The following ATP10A variants were observed in gnomAD, a reference collection of about 807,000 sequenced individuals.
ATP10A encodes the protein phospholipid-transporting ATPase VA.
Under a neutral mutation model 147.8 loss-of-function variants are expected in ATP10A, and 111 were observed. The observed-to-expected ratio is 0.75, with a 90% confidence interval of 0.64 to 0.88. ATP10A has a LOEUF of 0.88. Ranked by LOEUF, ATP10A falls within the 40% of genes least tolerant of loss-of-function variation. The pLI is 0.00. For synonymous variants in ATP10A, 875 were observed against 841.6 expected (o/e 1.04, Z -0.69); for missense variants, 1,927 against 1,959.0 (o/e 0.98, Z 0.31).
intron 2 of ATP10A, among the ~76,000 whole-genome samples, chr15:25,752,751 T>C (rs575815673): frequency 6.6e-5 from 10 of 152,312 alleles, no homozygotes; most frequent in Admixed American, 6.5e-4. Context: ...CTGCTTTGAG[T>C]AGTATGGCAT....
At chr15:25,807,184 A>T (rs1891225115) in intron 1 of ATP10A, among the ~76,000 whole-genome samples, 1 of 152,198 alleles carries the variant, frequency 6.6e-6, no homozygotes, top group Admixed American at 6.5e-5. Context: ...TTTTTCAAGC[A>T]TCTGCTCCAA....
At position 25,695,140 on chromosome 15, in the gene ATP10A, A is replaced by G; in HGVS notation, c.2767T>C (p.Cys923Arg). The G allele has an allele frequency of 1.9e-6, 3 of 1,609,094 alleles. No homozygotes were observed. Among genetic ancestry groups the G allele is most frequent in the Non-Finnish European group, 2.5e-6 (3 of 1,176,636 alleles). The change falls in exon 14 of 21, where the codon TGT (cysteine) becomes CGT (arginine). Residue 923 changes from cysteine (C) to arginine (R), a missense_variant. Transcript: ENST00000555815. ...AGGCACTGGTCTAGCAGGGCTGCAC[A>G]CGCCTCCTGAAAGGGACATGAGAGG... is the stretch of plus-strand genomic sequence containing the variant. ...ITLNATSQEACAALLDQCLCY... is the reference protein window; with the variant it reads ...ITLNATSQEARAALLDQCLCY...
At chr15:25,775,655 A>G (rs553086310) in intron 2 of ATP10A, among the ~76,000 whole-genome samples, 74 of 152,388 alleles carry the variant, frequency 4.9e-4, no homozygotes, top group African/African-American at 1.7e-3. Flanking sequence ...CAAGCCTGAC[A>G]ATGACTACTC....
intron 13 of ATP10A, among the ~76,000 whole-genome samples, chr15:25,697,400 C>A (rs1900398747): frequency 6.6e-6 from 1 of 152,194 alleles, no homozygotes; most frequent in Admixed American, 6.5e-5. Context: ...TCCAAAACTT[C>A]TTAGCATACA....
intron 1 of ATP10A, among the ~76,000 whole-genome samples, chr15:25,811,030 C>T (rs1891406764): frequency 6.6e-6 from 1 of 152,196 alleles, no homozygotes; most frequent in Admixed American, 6.5e-5. Context: ...CGGGGTCTCC[C>T]CCAGATGACC....
intron 2 of ATP10A, among the ~76,000 whole-genome samples, chr15:25,770,594 C>T (rs1476581921): frequency 2.6e-5 from 4 of 152,180 alleles, no homozygotes; most frequent in Non-Finnish European, 5.9e-5. Context: ...TAGTCACTCT[C>T]ACCAGAGGGT....
At chr15:25,749,060 C>CAA (rs1171259548) in intron 2 of ATP10A, among the ~76,000 whole-genome samples, 88 of 67,396 alleles carry the variant, frequency 1.3e-3, no homozygotes, top group Non-Finnish European at 1.4e-3. Flanking sequence ...GAGACTCTGT[C>CAA]AAAAAAAAAA....
At chr15:25,723,345 TAA>T (rs1352505377) in intron 6 of ATP10A, among the ~76,000 whole-genome samples, 1 of 110,550 alleles carries the variant, frequency 9.0e-6, no homozygotes, top group Non-Finnish European at 1.8e-5. Flanking sequence ...AGACTCTGTC[TAA>T]AAAAAAAAAG....
chr15:25,784,854 G>A (rs1343651338), intron 1 of ATP10A, among the ~76,000 whole-genome samples: 3 of 151,774 alleles, frequency 2.0e-5, no homozygotes, highest in Non-Finnish European at 4.4e-5. Context: ...CCCGGGAGGT[G>A]GAGGCTGCAG....
At chr15:25,841,932 T>G (rs777919025) in intron 1 of ATP10A, among the ~76,000 whole-genome samples, 2 of 152,268 alleles carry the variant, frequency 1.3e-5, no homozygotes, top group Non-Finnish European at 2.9e-5. Context: ...GAGCTCATTT[T>G]TCAGTTGTAA....
intron 1 of ATP10A, among the ~76,000 whole-genome samples, chr15:25,787,139 T>G (rs1440468071): frequency 1.3e-5 from 2 of 152,004 alleles, no homozygotes; most frequent in Non-Finnish European, 2.9e-5. Context: ...CCTGGGTGAC[T>G]CCAGGGTCTG....
At chr15:25,771,039 T>C (rs1381318573) in intron 2 of ATP10A, among the ~76,000 whole-genome samples, 1 of 152,200 alleles carries the variant, frequency 6.6e-6, no homozygotes, top group African/African-American at 2.4e-5. Flanking sequence ...AGAAAGTGCA[T>C]GCTGTTTATA....
At chr15:25,810,327 CTG>C (rs1339628741) in intron 1 of ATP10A, among the ~76,000 whole-genome samples, 2 of 152,348 alleles carry the variant, frequency 1.3e-5, no homozygotes, top group South Asian at 4.1e-4. Context: ...GAGGACAGCT[CTG>C]TGAGTCACCT....
intron 1 of ATP10A, among the ~76,000 whole-genome samples, chr15:25,802,202 AAC>A (rs774547208): frequency 1.5e-3 from 226 of 152,346 alleles, no homozygotes; most frequent in Non-Finnish European, 2.1e-3. Context: ...GCACCGTGGA[AAC>A]ACGTGCGTGT....
At position 25,685,153 on chromosome 15, in the gene ATP10A, T is replaced by C. The variant is rs141612414; in HGVS notation, c.3292-1667A>G. ...AAAAAGCTTTCTTCCCAAACCACTG[T>C]TGTTATGGAAACCTTTCTTCTCTGC... On this transcript the variant is annotated intron_variant, in intron 16 of 20. Coordinates refer to ENST00000555815, the MANE Select transcript of ATP10A (RefSeq NM_024490.4). 3.9e-3 allele frequency among the ~76,000 whole-genome samples: 588 copies of C among 152,294 alleles called. 2 individuals carry two copies. The highest frequency in any genetic ancestry group is 0.013 in the African/African-American group (554 of 41,562).
At chr15:25,845,466 C>G (rs1192475154) in intron 1 of ATP10A, among the ~76,000 whole-genome samples, 2 of 152,118 alleles carry the variant, frequency 1.3e-5, no homozygotes, top group East Asian at 3.9e-4. Context: ...CTCGAGCTCA[C>G]AGTCATGTCC....
downstream of ATP10A, chr15:25,678,208 T>C (rs1177566258): frequency 2.6e-5 from 4 of 152,036 alleles, no homozygotes; most frequent in East Asian, 2.0e-4. Context: ...TGAGCCATGC[T>C]TTCCTGATAC....
At chr15:25,789,512 G>A (rs1161493126) in intron 1 of ATP10A, among the ~76,000 whole-genome samples, 1 of 151,392 alleles carries the variant, frequency 6.6e-6, no homozygotes, top group African/African-American at 2.4e-5. Context: ...GATGCCTTGG[G>A]AATAAGAAAA....
intron 7 of ATP10A, among the ~76,000 whole-genome samples, chr15:25,718,871 T>C (rs1371350509): frequency 1.3e-5 from 2 of 152,124 alleles, no homozygotes; most frequent in African/African-American, 2.4e-5. Context: ...TGAAATGCTA[T>C]GGCACAGGGG....
Sources: gnomAD v4.1 joint callset for allele counts (sites outside exome capture counted in the v4.1 genomes callset) on GRCh38, gnomAD v4.1.1 for gene constraint, MANE v1.5 for transcripts, NCBI Gene and HGNC (gene_info 2026-07-23, HGNC 2026-07-21) for gene names.